Variants in LARGE1 observed in about 807,000 individuals in gnomAD.
LARGE1 encodes LARGE xylosyl- and glucuronyltransferase 1.
Under a neutral mutation model 87.6 loss-of-function variants are expected in LARGE1, and 43 were observed. The observed-to-expected ratio is 0.49, with a 90% CI of 0.38 to 0.63. The LOEUF (loss-of-function observed/expected upper bound fraction) is 0.63, where lower values mean the gene tolerates loss of function less well. Among genes scored for constraint, LARGE1 ranks in the 30% least tolerant of loss-of-function variants. LARGE1 has a pLI of 0.00. For synonymous variants in LARGE1, 434 were observed against 394.6 expected, an observed-to-expected ratio of 1.10 and a Z score of -1.18; for missense variants, 802 against 1,000.2, an observed-to-expected ratio of 0.80 and a Z score of 2.67.
chr22:33,321,912 G>A (rs143927663), intron 10 of LARGE1, among the ~76,000 whole-genome samples: 8 of 152,022 alleles, frequency 5.3e-5, no homozygotes, highest in Admixed American at 2.0e-4. Context: ...TCTGCCTCCC[G>A]GGTTCAAGCG....
the LARGE1 span, among the ~76,000 whole-genome samples, chr22:33,141,711 C>T: frequency 3.3e-5 from 5 of 152,086 alleles, no homozygotes; most frequent in Non-Finnish European, 7.4e-5. Context: ...ACTCTACATA[C>T]AATATGAAGT....
At chr22:33,559,795 G>A (rs1412936922) in intron 6 of LARGE1, among the ~76,000 whole-genome samples, 2 of 152,032 alleles carry the variant, frequency 1.3e-5, no homozygotes, top group African/African-American at 2.4e-5. Flanking sequence ...TGATGTTCTC[G>A]GAGGTCACAT....
In LARGE1 at chr22:33,653,582, G is replaced by A. The variant is rs149564484; in HGVS notation, c.107-2914C>T. ...TTCGATTTTTTCTTCTGTGAAATGG[G>A]AACATAAAATGTTCCAGTAAGAGTG... On this transcript the variant is annotated intron_variant, in intron 2 of 14. Transcript: ENST00000397394. 7.1e-3 allele frequency among the ~76,000 whole-genome samples: 1,081 copies of A among 152,236 alleles called. 15 individuals are homozygous for A. Among genetic ancestry groups the A allele is most frequent in the African/African-American group, 0.025 (1,030 of 41,540 alleles).
chr22:33,631,280 G>A (rs897199274), intron 3 of LARGE1, among the ~76,000 whole-genome samples: 18 of 152,038 alleles, frequency 1.2e-4, no homozygotes, highest in Admixed American at 7.9e-4. Context: ...CAATCTTCCC[G>A]TCTCAGCTTC....
intron 6 of LARGE1, among the ~76,000 whole-genome samples, chr22:33,536,011 A>C (rs1270499785): frequency 6.6e-6 from 1 of 152,200 alleles, no homozygotes; most frequent in Non-Finnish European, 1.5e-5. Flanking sequence ...CATGAAACAA[A>C]AAAGTCCGCA....
chr22:33,775,851 TA>T (rs35496819), intron 1 of LARGE1, among the ~76,000 whole-genome samples: 536 of 122,280 alleles, frequency 4.4e-3, no homozygotes, highest in Non-Finnish European at 4.9e-3. Flanking sequence ...GTCACTGTCT[TA>T]AAAAAAAAAA....
intron 12 of LARGE1, among the ~76,000 whole-genome samples, chr22:33,293,525 A>T (rs118101961): frequency 0.025 from 3,798 of 152,336 alleles, 86 homozygotes; most frequent in Non-Finnish European, 0.039. Context: ...AAGTCTGTTA[A>T]TGCAGTGATT....
the LARGE1 span, among the ~76,000 whole-genome samples, chr22:33,084,411 C>A: frequency 6.6e-6 from 1 of 151,968 alleles, no homozygotes; most frequent in African/African-American, 2.4e-5. Flanking sequence ...TTAATCTCAA[C>A]ACTTTGGGAG....
At chr22:33,199,475 ATTTTTAT>A (rs1924258992) in intron 11 of LARGE1, among the ~76,000 whole-genome samples, 1 of 152,092 alleles carries the variant, frequency 6.6e-6, no homozygotes, top group African/African-American at 2.4e-5. Context: ...TTCTTCTAGA[ATTTTTAT>A]AGTTTCAGGT....
At chr22:33,392,148 CTTCTTTT>C (rs2065552347) in intron 7 of LARGE1, among the ~76,000 whole-genome samples, 1 of 125,778 alleles carries the variant, frequency 8.0e-6, no homozygotes, top group African/African-American at 4.7e-5. Flanking sequence ...ACACACGCTT[CTTCTTTT>C]TTTTTTTTTT....
chr22:33,675,542 A>G (rs185754881), intron 2 of LARGE1, among the ~76,000 whole-genome samples: 77 of 152,242 alleles, frequency 5.1e-4, no homozygotes, highest in African/African-American at 1.7e-3. Flanking sequence ...AAACAACAAA[A>G]TAAGACAAAA....
chr22:33,907,579 T>TTC (rs2065491429), intron 1 of LARGE1, among the ~76,000 whole-genome samples: 1 of 151,996 alleles, frequency 6.6e-6, no homozygotes, highest in Non-Finnish European at 1.5e-5. Context: ...CTTTTTTTTT[T>TTC]TTTGAGACAG....
At chr22:33,672,913 C>T (rs923529030) in intron 2 of LARGE1, among the ~76,000 whole-genome samples, 1 of 152,114 alleles carries the variant, frequency 6.6e-6, no homozygotes, top group African/African-American at 2.4e-5. Context: ...GGAGGACAAT[C>T]GATTGCCCAA....
In LARGE1 at chr22:33,738,029, T is replaced by G. The variant is rs989855425; in HGVS notation, c.106+23342A>C. ...AAAAGGAAACTGGCATTAATACAAT[T>G]CAGTGTGAGGGTATGATCTGGGGGT... On this transcript the variant is annotated intron_variant, in intron 2 of 14. Transcript: ENST00000397394. Among the ~76,000 whole-genome samples, 26 of 152,218 alleles carry G rather than the reference T, an allele frequency of 1.7e-4. No homozygotes were observed. In the East Asian group the frequency reaches 3.9e-3, roughly 23 times the overall value.
intron 1 of LARGE1, among the ~76,000 whole-genome samples, chr22:33,799,904 A>C (rs1301710120): frequency 1.3e-5 from 2 of 152,128 alleles, no homozygotes; most frequent in African/African-American, 2.4e-5. Flanking sequence ...CTGAAGTAGG[A>C]ACTAGAATTT....
chr22:33,567,596 T>C (rs1214008865), intron 5 of LARGE1, among the ~76,000 whole-genome samples: 1 of 152,074 alleles, frequency 6.6e-6, no homozygotes, highest in South Asian at 2.1e-4. Flanking sequence ...ATAAAGGTCA[T>C]GATTTCTTTT....
At chr22:33,832,337 T>C (rs953671142) in intron 1 of LARGE1, among the ~76,000 whole-genome samples, 1 of 152,144 alleles carries the variant, frequency 6.6e-6, no homozygotes, top group Non-Finnish European at 1.5e-5. Context: ...CGAGGTACCC[T>C]GTGAGCTCTG....
intron 10 of LARGE1, among the ~76,000 whole-genome samples, chr22:33,327,699 G>A (rs1344957881): frequency 6.6e-6 from 1 of 152,140 alleles, no homozygotes; most frequent in Non-Finnish European, 1.5e-5. Context: ...AGGACCACAG[G>A]CATGTGTGGT....
chr22:33,637,628 G>C (rs1307941437), intron 3 of LARGE1, among the ~76,000 whole-genome samples: 1 of 151,998 alleles, frequency 6.6e-6, no homozygotes, highest in Non-Finnish European at 1.5e-5. Flanking sequence ...GCTTACCCTG[G>C]GAAAAGCTAG....
Sources: allele counts gnomAD v4.1 joint callset (sites outside exome capture counted in the v4.1 genomes callset), GRCh38; gene constraint gnomAD v4.1.1; transcripts MANE v1.5; gene names NCBI Gene and HGNC (gene_info 2026-07-23, HGNC 2026-07-21).